CASP10: variants seen among roughly 807,000 people sequenced by gnomAD.
CASP10 encodes the protein caspase-10.
In CASP10, 41 loss-of-function variants were observed where a neutral mutation model predicts 48.5. The ratio of observed to expected loss-of-function variants is 0.85; its 90% CI spans 0.66 to 1.10. CASP10 has a LOEUF of 1.10. Ranked by LOEUF, CASP10 falls within the 50% of genes least tolerant of loss-of-function variation. The pLI is 0.00. For synonymous variants in CASP10, 232 were observed against 238.4 expected, an observed-to-expected ratio of 0.97 and a Z score of 0.25; for missense variants, 614 against 614.5, an observed-to-expected ratio of 1.00 and a Z score of 0.01.
chr2:201,226,433 T>C (rs1206562725), downstream of CASP10, among the ~76,000 whole-genome samples: 1 of 152,188 alleles, frequency 6.6e-6, no homozygotes, highest in Non-Finnish European at 1.5e-5. Flanking sequence ...TTGCACACAG[T>C]AAAATCTAGC....
chr2:201,193,751 G>T (rs1209424581), intron 4 of CASP10, among the ~76,000 whole-genome samples: 4 of 152,230 alleles, frequency 2.6e-5, no homozygotes, highest in African/African-American at 7.2e-5. Context: ...AGAGTATAGG[G>T]AATTATTTTA....
At chr2:201,211,962 A>AT (rs1180332157) in intron 9 of CASP10, among the ~76,000 whole-genome samples, 3 of 150,300 alleles carry the variant, frequency 2.0e-5, no homozygotes, top group Non-Finnish European at 3.0e-5. Context: ...TTTTATTTTT[A>AT]TTTTTTTTTA....
At chr2:201,198,841 A>G (rs573351923) in intron 5 of CASP10, among the ~76,000 whole-genome samples, 1 of 152,234 alleles carries the variant, frequency 6.6e-6, no homozygotes, top group South Asian at 2.1e-4. Flanking sequence ...CGCCCGGCCT[A>G]TATTTTATTC....
At chr2:201,202,694 T>A (rs1373896766) in intron 5 of CASP10, among the ~76,000 whole-genome samples, 2 of 152,148 alleles carry the variant, frequency 1.3e-5, no homozygotes, top group Non-Finnish European at 2.9e-5. Context: ...CTCCTTTGCA[T>A]TTGTTCCTGC....
intron 4 of CASP10, among the ~76,000 whole-genome samples, chr2:201,195,458 T>A (rs1471752129): frequency 2.0e-5 from 3 of 152,176 alleles, no homozygotes; most frequent in Non-Finnish European, 4.4e-5. Flanking sequence ...TGGGTGTCAA[T>A]CATTATTGAT....
downstream of CASP10, among the ~76,000 whole-genome samples, chr2:201,222,499 G>A (rs1945738324): frequency 2.0e-5 from 3 of 152,210 alleles, no homozygotes; most frequent in South Asian, 6.2e-4. Context: ...CATTGTGTCT[G>A]GCCTCATTCA....
At chr2:201,208,391 G>C (rs767575167) in intron 8 of CASP10, 4 of 985,154 alleles carry the variant, frequency 4.1e-6, no homozygotes, top group Non-Finnish European at 4.8e-6. Context: ...GAATAGAGGA[G>C]AGCATGTACT....
Position 201,183,281 on chromosome 2 carries a change from C to T in CASP10, c.-35C>T, listed in dbSNP as rs892355988. 5.9e-5 allele frequency: 9 copies of T among 152,164 alleles called. No homozygotes were observed. The highest frequency in any genetic ancestry group is 2.2e-4 in the African/African-American group (9 of 41,424). The allele number at this position is 152,164 out of a possible 1,614,324, so 9.4% of individuals were successfully genotyped here. ...AATTTCCCTGAGAACCGTTTACTTC[C>T]AGAAGATTGGTGGAGCTTGATCTGA... On this transcript the variant is annotated 5_prime_UTR_variant, in exon 1 of 10. Coordinates refer to ENST00000286186, the MANE Select transcript of CASP10 (RefSeq NM_032977.4).
At position 201,218,840 on chromosome 2, in the gene CASP10, C is replaced by A; in HGVS notation, c.*1099C>A. The A allele has an allele frequency of 1.0e-6, 1 of 985,432 alleles. No homozygotes were observed. Among genetic ancestry groups the A allele is most frequent in the Non-Finnish European group, 1.2e-6 (1 of 829,950 alleles). 61.0% of individuals were successfully genotyped at this position (985,432 alleles called of 1,614,324 possible). ...GTGAAAATTTGGTCTATGCCAGGCCCATTTCCTGCTTTTGTGTAAGGAAGG... is the reference window on the plus strand; with the variant it reads ...GTGAAAATTTGGTCTATGCCAGGCCAATTTCCTGCTTTTGTGTAAGGAAGG... On this transcript the variant is annotated 3_prime_UTR_variant, in exon 10 of 10. Coordinates refer to ENST00000286186, the MANE Select transcript of CASP10 (RefSeq NM_032977.4).
At position 201,209,374 on chromosome 2, in the gene CASP10, C is replaced by G; in HGVS notation, c.1227C>G (p.Ser409=). ...QACQGEEIQP[S]VSIEADALNP... ...GCCAAGGTGAAGAGATACAGCCTTCCGTATCCATCGAAGCAGATGCTCTGA... is the reference window on the plus strand; with the variant it reads ...GCCAAGGTGAAGAGATACAGCCTTCGGTATCCATCGAAGCAGATGCTCTGA... Residue 409 remains serine (S), a synonymous_variant, in exon 9 of 10, where the codon TCC becomes TCG. Transcript: ENST00000286186. 2 of 1,614,140 alleles carry G rather than the reference C, an allele frequency of 1.2e-6. No individual in the cohort carries two copies. Among genetic ancestry groups the G allele is most frequent in the Non-Finnish European group, 1.7e-6 (2 of 1,180,028 alleles).
intron 9 of CASP10, 84 bp downstream of exon 9, chr2:201,209,646 G>A (rs1365314141): frequency 7.2e-7 from 1 of 1,396,436 alleles, no homozygotes; most frequent in African/African-American, 1.5e-5. Context: ...CCTTTGGTAA[G>A]GGTGAGAGTT....
At chr2:201,223,166 G>A (rs917285233), downstream of CASP10, among the ~76,000 whole-genome samples, 1 of 152,222 alleles carries the variant, frequency 6.6e-6, no homozygotes, top group Non-Finnish European at 1.5e-5. Flanking sequence ...CCTGCCTACA[G>A]AAAGGGATGA....
At chr2:201,224,380 T>G (rs1230559038), downstream of CASP10, among the ~76,000 whole-genome samples, 2 of 152,224 alleles carry the variant, frequency 1.3e-5, no homozygotes, top group Non-Finnish European at 2.9e-5. Flanking sequence ...TGCAAACAAC[T>G]GTTTATTTCC....
intron 5 of CASP10, among the ~76,000 whole-genome samples, chr2:201,197,073 T>C (rs1227512780): frequency 6.6e-6 from 1 of 152,126 alleles, no homozygotes; most frequent in Non-Finnish European, 1.5e-5. Flanking sequence ...AAGTCCTCAC[T>C]TAAAAGGTTG....
intron 7 of CASP10, among the ~76,000 whole-genome samples, chr2:201,206,722 A>G (rs1451709589): frequency 1.3e-5 from 2 of 151,444 alleles, no homozygotes; most frequent in Non-Finnish European, 2.9e-5. Flanking sequence ...TCAGCCACCC[A>G]AGTACCACCA....
intron 9 of CASP10, among the ~76,000 whole-genome samples, chr2:201,215,568 G>A (rs1224389155): frequency 3.9e-5 from 6 of 152,062 alleles, no homozygotes; most frequent in Non-Finnish European, 8.8e-5. Flanking sequence ...GGCTGTAGGT[G>A]TGTGAATTTA....
intron 5 of CASP10, among the ~76,000 whole-genome samples, chr2:201,197,185 C>CCTT (rs1559300280): frequency 6.6e-6 from 1 of 151,458 alleles, no homozygotes; most frequent in Admixed American, 6.6e-5. Context: ...CTATGTTGCC[C>CCTT]AGGCTGGTCT....
chr2:201,200,169 A>G (rs1441423949), intron 5 of CASP10, among the ~76,000 whole-genome samples: 1 of 152,098 alleles, frequency 6.6e-6, no homozygotes, highest in African/African-American at 2.4e-5. Context: ...ATATTTTCTG[A>G]TATTATCACT....
rs1290910020 is a variant in CASP10 at position 201,192,976 on chromosome 2, T to C, written c.442-8T>C. 6.2e-7 allele frequency: 1 copy of C among 1,612,922 alleles called. No homozygotes were observed. Among genetic ancestry groups the C allele is most frequent in the Non-Finnish European group, 8.5e-7 (1 of 1,179,184 alleles). On this transcript the variant is annotated splice_polypyrimidine_tract_variant and splice_region_variant and intron_variant, in intron 3 of 9. Coordinates refer to ENST00000286186, the MANE Select transcript of CASP10 (RefSeq NM_032977.4). Reference sequence around the variant, plus strand: ...CAAGTAAATGTAACTCTATTGATTCTCTTGTAGACCTCCCTAAGTTTCCTG... The same window carrying C: ...CAAGTAAATGTAACTCTATTGATTCCCTTGTAGACCTCCCTAAGTTTCCTG...
Sources: allele counts gnomAD v4.1 joint callset (sites outside exome capture counted in the v4.1 genomes callset), GRCh38; gene constraint gnomAD v4.1.1; transcripts MANE v1.5; gene names NCBI Gene and HGNC (gene_info 2026-07-23, HGNC 2026-07-21).